The following ADARB2 variants were observed in gnomAD, a reference collection of about 807,000 sequenced individuals.
ADARB2 encodes the protein inactive double-stranded RNA-specific editase B2.
Under a neutral mutation model 62.2 loss-of-function variants are expected in ADARB2, and 25 were observed. The ratio of observed to expected loss-of-function variants is 0.40; its 90% CI spans 0.29 to 0.56. The LOEUF (loss-of-function observed/expected upper bound fraction) is 0.56, where lower values mean the gene tolerates loss of function less well. Ranked by LOEUF, ADARB2 falls within the 20% of genes least tolerant of loss-of-function variation. The pLI, the probability that ADARB2 is intolerant of heterozygous loss-of-function variation, is 0.43. For synonymous variants in ADARB2, 572 were observed against 500.8 expected (o/e 1.14, Z -1.90); for missense variants, 1,071 against 1,077.4 (o/e 0.99, Z 0.08).
rs112349604 is a variant in ADARB2, at chr10:1,282,669, C to T, written c.1078-11600G>A. Among the ~76,000 whole-genome samples the T allele has an allele frequency of 2.6e-3, 399 of 152,340 alleles. 4 individuals carry two copies. The highest frequency in any genetic ancestry group is 9.2e-3 in the African/African-American group (384 of 41,588). The stretch of plus-strand genomic sequence containing the variant: ...TTTGCAATAATGTGATTTTCTTCCC[C>T]ACCTGGCACTTGGTTTACAGGAGAA... On this transcript the variant is annotated intron_variant, in intron 3 of 9. Coordinates refer to ENST00000381312, the MANE Select transcript of ADARB2 (RefSeq NM_018702.4).
At chr10:1,471,358 G>A (rs1831319824) in intron 1 of ADARB2, among the ~76,000 whole-genome samples, 1 of 152,112 alleles carries the variant, frequency 6.6e-6, no homozygotes, top group African/African-American at 2.4e-5. Context: ...ATTTGGTGGG[G>A]GGCCGGGAGT....
At chr10:1,209,804 G>A (rs1468442021) in intron 7 of ADARB2, among the ~76,000 whole-genome samples, 1 of 152,188 alleles carries the variant, frequency 6.6e-6, no homozygotes, top group African/African-American at 2.4e-5. Flanking sequence ...CTGAATGACT[G>A]TGGCCACAGG....
intron 1 of ADARB2, among the ~76,000 whole-genome samples, chr10:1,527,099 A>C (rs74736994): frequency 0.024 from 3,618 of 152,296 alleles, 154 homozygotes; most frequent in African/African-American, 0.083. Flanking sequence ...TCTTTAACCC[A>C]GAAACTGGTC....
intron 9 of ADARB2, 32 bp from the exon 10 acceptor site, chr10:1,183,401 A>T: frequency 6.3e-7 from 1 of 1,596,562 alleles, no homozygotes; most frequent in South Asian, 1.1e-5. Context: ...AGCCAATCAG[A>T]CACCAGCAGA....
chr10:1,449,104 G>A (rs1831006312), intron 1 of ADARB2, among the ~76,000 whole-genome samples: 1 of 152,154 alleles, frequency 6.6e-6, no homozygotes, highest in Non-Finnish European at 1.5e-5. Context: ...TCCATCCTCG[G>A]TCTTTCCATG....
chr10:1,638,264 T>G (rs1378340467), intron 1 of ADARB2, among the ~76,000 whole-genome samples: 1 of 152,202 alleles, frequency 6.6e-6, no homozygotes, highest in African/African-American at 2.4e-5. Context: ...GAATTAACAA[T>G]GAGCTTTGAT....
chr10:1,715,285 G>A (rs1469955620), intron 1 of ADARB2, among the ~76,000 whole-genome samples: 7 of 152,010 alleles, frequency 4.6e-5, no homozygotes, highest in East Asian at 1.9e-4. Context: ...TCCAGTCTAC[G>A]TGGAAGTGTA....
At chr10:1,270,556 G>A (rs568253499) in intron 4 of ADARB2, among the ~76,000 whole-genome samples, 4 of 151,504 alleles carry the variant, frequency 2.6e-5, no homozygotes, top group Non-Finnish European at 5.9e-5. Context: ...CCTCGCGGCT[G>A]GGTCACCCTT....
chr10:1,481,641 G>T (rs927515506), intron 1 of ADARB2, among the ~76,000 whole-genome samples: 1 of 2,984 alleles, frequency 3.4e-4, no homozygotes, highest in Non-Finnish European at 0.021. Flanking sequence ...TGCGGATCAC[G>T]AGGTCAGGAG....
intron 4 of ADARB2, among the ~76,000 whole-genome samples, chr10:1,256,657 C>G (rs920973974): frequency 3.3e-5 from 5 of 152,140 alleles, no homozygotes; most frequent in Admixed American, 2.0e-4. Flanking sequence ...TTACGATCCT[C>G]AACATCAACA....
intron 1 of ADARB2, among the ~76,000 whole-genome samples, chr10:1,475,556 T>G (rs979023755): frequency 2.6e-5 from 4 of 152,100 alleles, no homozygotes; most frequent in Non-Finnish European, 5.9e-5. Flanking sequence ...CCAGATGAAT[T>G]TGAAAATTGG....
intron 3 of ADARB2, among the ~76,000 whole-genome samples, chr10:1,350,915 C>A (rs1374239739): frequency 6.6e-6 from 1 of 152,166 alleles, no homozygotes; most frequent in East Asian, 1.9e-4. Context: ...TTCCTTGCAT[C>A]CACTGTGAGA....
chr10:1,443,430 A>G (rs963008354), intron 1 of ADARB2, among the ~76,000 whole-genome samples: 1 of 152,152 alleles, frequency 6.6e-6, no homozygotes, highest in Non-Finnish European at 1.5e-5. Context: ...AATATTATAC[A>G]GTTTTTGGTC....
At chr10:1,261,446 C>T (rs1331536926) in intron 4 of ADARB2, among the ~76,000 whole-genome samples, 1 of 149,384 alleles carries the variant, frequency 6.7e-6, no homozygotes, top group East Asian at 1.9e-4. Context: ...TGAACTCAAA[C>T]AAATTTACAA....
intron 1 of ADARB2, among the ~76,000 whole-genome samples, chr10:1,720,099 A>G (rs1835071678): frequency 6.6e-6 from 1 of 152,256 alleles, no homozygotes; most frequent in Non-Finnish European, 1.5e-5. Flanking sequence ...AGCACTATTC[A>G]CAATAGCAAA....
chr10:1,342,218 G>A lies in ADARB2; in HGVS notation c.1077+20810C>T, dbSNP rs140128192. Among the ~76,000 whole-genome samples the A allele has an allele frequency of 4.3e-3, 651 of 152,238 alleles. 5 individuals are homozygous for A. Among genetic ancestry groups the A allele is most frequent in the South Asian group, 0.02 (94 of 4,814 alleles). On this transcript the variant is annotated intron_variant, in intron 3 of 9. Coordinates refer to ENST00000381312, the MANE Select transcript of ADARB2 (RefSeq NM_018702.4). ...TGAATTTTTAACCCTCTGCCTGGAT[G>A]TCCCATTTTATCATTAAAACCACCC...
chr10:1,534,240 G>A (rs555603736), intron 1 of ADARB2, among the ~76,000 whole-genome samples: 1 of 151,118 alleles, frequency 6.6e-6, no homozygotes, highest in East Asian at 2.0e-4. Context: ...GGGTTCAACC[G>A]ATTCTCCTGC....
intron 3 of ADARB2, among the ~76,000 whole-genome samples, chr10:1,332,719 G>A (rs913588132): frequency 2.0e-5 from 3 of 152,094 alleles, no homozygotes; most frequent in Non-Finnish European, 4.4e-5. Context: ...ATCTGTGATG[G>A]CATCTGTCCA....
intron 1 of ADARB2, among the ~76,000 whole-genome samples, chr10:1,708,277 T>C (rs11250752): frequency 0.65 from 98,156 of 151,682 alleles, 32,315 homozygotes; most frequent in East Asian, 0.85. Context: ...TCAAAGGGGA[T>C]GAAGAAAAGG....
Sources: gnomAD v4.1 joint callset for allele counts (sites outside exome capture counted in the v4.1 genomes callset) on GRCh38, gnomAD v4.1.1 for gene constraint, MANE v1.5 for transcripts, NCBI Gene and HGNC (gene_info 2026-07-23, HGNC 2026-07-21) for gene names.